Variants in XRRA1 observed in about 807,000 individuals in gnomAD.
The protein encoded by XRRA1 is X-ray radiation resistance associated 1.
XRRA1 carries 69 observed loss-of-function variants against 80.2 expected under a neutral mutation model. The ratio of observed to expected loss-of-function variants is 0.86; its 90% CI spans 0.71 to 1.05. The LOEUF (loss-of-function observed/expected upper bound fraction) is 1.05. Ranked by LOEUF, XRRA1 falls within the 50% of genes least tolerant of loss-of-function variation. XRRA1 has a pLI of 0.00. For missense variants in XRRA1, 967 were observed against 976.4 expected, an observed-to-expected ratio of 0.99 and a Z score of 0.13; for synonymous variants, 348 against 389.9, an observed-to-expected ratio of 0.89 and a Z score of 1.27.
chr11:74,878,173 T>C (rs1355331459), intron 10 of XRRA1, among the ~76,000 whole-genome samples: 1 of 151,936 alleles, frequency 6.6e-6, no homozygotes, highest in Non-Finnish European at 1.5e-5. Flanking sequence ...TATGAGATGG[T>C]ATCTCATTGT....
intron 10 of XRRA1, among the ~76,000 whole-genome samples, chr11:74,886,421 T>A (rs953288828): frequency 6.6e-6 from 1 of 151,546 alleles, no homozygotes; most frequent in African/African-American, 2.4e-5. Context: ...ACCAACAACC[T>A]CCAAACTGAA....
intron 18 of XRRA1, 132 bp downstream of exon 18, chr11:74,843,722 T>A: frequency 1.1e-6 from 1 of 880,034 alleles, no homozygotes; most frequent in Non-Finnish European, 1.8e-6. Context: ...CTTTTGTCCA[T>A]CTACATGTAG....
chr11:74,905,398 T>G (rs1422934784), intron 10 of XRRA1, among the ~76,000 whole-genome samples: 3 of 152,198 alleles, frequency 2.0e-5, no homozygotes, highest in Non-Finnish European at 4.4e-5. Context: ...TCTTTCTTTA[T>G]TCTGCTTTAG....
intron 10 of XRRA1, among the ~76,000 whole-genome samples, chr11:74,898,054 C>A (rs140015467): frequency 2.3e-4 from 35 of 152,080 alleles, no homozygotes; most frequent in Non-Finnish European, 5.0e-4. Flanking sequence ...ATAATTACAA[C>A]AACTTTTCAA....
rs374092633 is a variant in XRRA1 at position 74,843,182 on chromosome 11, C to T, written c.*18G>A. 1.1e-4 allele frequency: 171 copies of T among 1,543,398 alleles called. No individual in the cohort carries two copies. In the African/African-American group the frequency reaches 1.7e-3, roughly 16 times the overall value. On this transcript the variant is annotated 3_prime_UTR_variant, in exon 19 of 19. Coordinates refer to ENST00000684022, the MANE Select transcript of XRRA1 (RefSeq NM_001378157.1). ...TGGGGCACAGGCCGGGTGGTGCACA[C>T]AGCCCCCATGCACAGCTCTAGCCTT...
intron 10 of XRRA1, among the ~76,000 whole-genome samples, chr11:74,891,965 A>C (rs2050837659): frequency 6.6e-6 from 1 of 152,206 alleles, no homozygotes; most frequent in Non-Finnish European, 1.5e-5. Flanking sequence ...GTATTATGAA[A>C]ATGGCCATAC....
At chr11:74,852,144 T>C in intron 12 of XRRA1, 62 bp from the exon 13 acceptor site, 4 of 1,369,466 alleles carry the variant, frequency 2.9e-6, no homozygotes, top group South Asian at 1.2e-5. Flanking sequence ...CCCAGGTATG[T>C]CTAGGCCCCT....
chr11:74,855,552 T>C (rs1304900907), intron 12 of XRRA1, among the ~76,000 whole-genome samples: 3 of 152,236 alleles, frequency 2.0e-5, no homozygotes, highest in Non-Finnish European at 4.4e-5. Flanking sequence ...AGCTGAATGT[T>C]CTGGAGATGC....
Position 74,842,895 on chromosome 11 carries a change from AT to A in XRRA1, c.*304del. On this transcript the variant is annotated 3_prime_UTR_variant, in exon 19 of 19. Coordinates refer to ENST00000684022, the MANE Select transcript of XRRA1 (RefSeq NM_001378157.1). ...CCTGTTGCATCTGAACTGGAAAACCATTTTTAGAGGGAAGTGTGACAATGCT... is the reference window on the plus strand; with the variant it reads ...CCTGTTGCATCTGAACTGGAAAACCATTTTAGAGGGAAGTGTGACAATGCT... 1 of 375,434 alleles carries A rather than the reference AT, an allele frequency of 2.7e-6. No homozygotes were observed. Among genetic ancestry groups the A allele is most frequent in the Non-Finnish European group, 4.8e-6 (1 of 207,908 alleles). 23.3% of individuals were successfully genotyped at this position (375,434 alleles called of 1,614,324 possible).
rs558826104 is a variant in XRRA1, at chr11:74,904,563, T to C, written c.1003+1676A>G. The stretch of plus-strand genomic sequence containing the variant: ...AAAAGATTGGAATTGAAAGAAAACT[T>C]AGTGCTCACAAGAAGAAAAAAAAGA... On this transcript the variant is annotated intron_variant, in intron 10 of 18. Transcript: ENST00000684022. Among the ~76,000 whole-genome samples, 11 of 151,708 alleles carry C rather than the reference T, an allele frequency of 7.3e-5. No homozygotes were observed. The South Asian group carries it at 2.3e-3, about 32-fold the overall frequency.
chr11:74,886,644 G>A (rs1309652614), intron 10 of XRRA1, among the ~76,000 whole-genome samples: 1 of 152,016 alleles, frequency 6.6e-6, no homozygotes, highest in Non-Finnish European at 1.5e-5. Context: ...ATTGCCCAAA[G>A]CAATTTATAG....
chr11:74,844,724 C>A (rs944879959), intron 16 of XRRA1, among the ~76,000 whole-genome samples: 2 of 152,202 alleles, frequency 1.3e-5, no homozygotes, highest in South Asian at 2.1e-4. Flanking sequence ...GGGAACTTAA[C>A]CTGGGCTGGG....
chr11:74,842,882 G>T lies in XRRA1; in HGVS notation c.*318C>A. 3 of 353,830 alleles carry T rather than the reference G, an allele frequency of 8.5e-6. No homozygotes were observed. The highest frequency in any genetic ancestry group is 1.5e-5 in the Non-Finnish European group (3 of 193,690). The allele number at this position is 353,830 out of a possible 1,614,324, so 21.9% of individuals were successfully genotyped here. ...GAACAAATGTATCCCTGTTGCATCT[G>T]AACTGGAAAACCATTTTTAGAGGGA... On this transcript the variant is annotated 3_prime_UTR_variant, in exon 19 of 19. Transcript: ENST00000684022.
At chr11:74,846,191 TAGTG>T (rs2038097266) in intron 15 of XRRA1, 1 of 151,996 alleles carries the variant, frequency 6.6e-6, no homozygotes, top group South Asian at 2.1e-4. Context: ...CTGGGCAACA[TAGTG>T]AGACCCCACC....
At chr11:74,940,293 C>G (rs1158189775) in intron 3 of XRRA1, among the ~76,000 whole-genome samples, 7 of 152,084 alleles carry the variant, frequency 4.6e-5, no homozygotes, top group Non-Finnish European at 1.0e-4. Flanking sequence ...ACCATGATCA[C>G]TCATCAAATA....
Position 74,933,876 on chromosome 11 carries a change from G to A in XRRA1, c.280-4C>T, listed in dbSNP as rs745841062. 4.3e-5 allele frequency: 69 copies of A among 1,600,834 alleles called. No homozygotes were observed. The highest frequency in any genetic ancestry group is 5.5e-5 in the Non-Finnish European group (65 of 1,173,560). On this transcript the variant is annotated splice_region_variant and splice_polypyrimidine_tract_variant and intron_variant, in intron 4 of 18. Transcript: ENST00000684022. ...TCCTCACACAGTGGTGCTTCAGCTGGAACATAATACAAAGAGTTGTCTCTT... is the reference window on the plus strand; with the variant it reads ...TCCTCACACAGTGGTGCTTCAGCTGAAACATAATACAAAGAGTTGTCTCTT...
rs1948234336 is a variant in XRRA1, at chr11:74,949,021, G to C, written c.-166C>G. The C allele has an allele frequency of 5.9e-6, 2 of 338,556 alleles. No homozygotes were observed. The highest frequency in any genetic ancestry group is 9.7e-5 in the Admixed American group (2 of 20,626). The allele number at this position is 338,556 out of a possible 1,614,324, so 21.0% of individuals were successfully genotyped here. A position where few individuals can be genotyped will look rare whatever the true frequency, so the allele number is the denominator to read the frequency against. On this transcript the variant is annotated 5_prime_UTR_variant, in exon 1 of 19. Transcript: ENST00000684022. The stretch of plus-strand genomic sequence containing the variant: ...GCCTGCGAGCCCCCCGGGGATCTCG[G>C]AGCCGCTCCACTGCGGTGCCTGCCG...
At position 74,912,238 on chromosome 11, in the gene XRRA1, G is replaced by T. The variant is rs142294787; in HGVS notation, c.657-4965C>A. ...TAATGTGGGACCAACTCTTCCCTGA[G>T]TAAAAAACTAGAAAACCCAGACAAA... On this transcript the variant is annotated intron_variant, in intron 8 of 18. Coordinates refer to ENST00000684022, the MANE Select transcript of XRRA1 (RefSeq NM_001378157.1). 5.5e-4 allele frequency among the ~76,000 whole-genome samples: 84 copies of T among 152,270 alleles called. 1 individual carries two copies. The highest frequency in any genetic ancestry group is 1.1e-3 in the Non-Finnish European group (72 of 68,022).
At chr11:74,933,762 C>A in intron 5 of XRRA1, 39 bp downstream of exon 5, 5 of 1,552,326 alleles carry the variant, frequency 3.2e-6, no homozygotes, top group Non-Finnish European at 4.4e-6. Context: ...CACCTCAAGT[C>A]TGGCTCACCC....
Sources: allele counts gnomAD v4.1 joint callset (sites outside exome capture counted in the v4.1 genomes callset), GRCh38; gene constraint gnomAD v4.1.1; transcripts MANE v1.5; gene names NCBI Gene and HGNC (gene_info 2026-07-23, HGNC 2026-07-21).